Variants in TANGO6 observed in about 807,000 individuals in gnomAD.
TANGO6 encodes the protein transport and Golgi organization protein 6 homolog.
In TANGO6, 90 loss-of-function variants were observed where a neutral mutation model predicts 114.2. The ratio of observed to expected loss-of-function variants is 0.79; its 90% CI spans 0.66 to 0.94. TANGO6 has a LOEUF of 0.94. TANGO6 is among the 40% of genes least tolerant of loss of function. TANGO6 has a pLI of 0.00. For missense variants in TANGO6, 1,274 were observed against 1,315.3 expected, an observed-to-expected ratio of 0.97 and a Z score of 0.49; for synonymous variants, 477 against 509.8, an observed-to-expected ratio of 0.94 and a Z score of 0.87.
chr16:68,872,579 GACATGAGC>G (rs1962289988), intron 4 of TANGO6, among the ~76,000 whole-genome samples: 1 of 151,724 alleles, frequency 6.6e-6, no homozygotes, highest in South Asian at 2.1e-4. Flanking sequence ...TGGGATTACA[GACATGAGC>G]CACCGCCCAC....
At chr16:68,965,675 C>G (rs548821381) in intron 14 of TANGO6, among the ~76,000 whole-genome samples, 27 of 151,988 alleles carry the variant, frequency 1.8e-4, no homozygotes, top group Admixed American at 3.9e-4. Flanking sequence ...GTGGCATGCA[C>G]CTGTAATCCC....
At chr16:68,949,126 C>T (rs942383563) in intron 14 of TANGO6, among the ~76,000 whole-genome samples, 4 of 152,038 alleles carry the variant, frequency 2.6e-5, no homozygotes, top group African/African-American at 7.2e-5. Flanking sequence ...GGGCAGGTTG[C>T]GGTAAGCCGA....
chr16:68,883,171 T>A (rs1333439490), intron 7 of TANGO6, among the ~76,000 whole-genome samples: 1 of 152,132 alleles, frequency 6.6e-6, no homozygotes, highest in Non-Finnish European at 1.5e-5. Context: ...CATTCCAGCC[T>A]GGGCAACAGA....
chr16:68,960,690 G>A (rs1229944469), intron 14 of TANGO6, among the ~76,000 whole-genome samples: 15 of 151,906 alleles, frequency 9.9e-5, no homozygotes, highest in Admixed American at 7.9e-4. Flanking sequence ...TAGTAGAAAC[G>A]GGGTTTCACC....
rs1597035462 is a variant in TANGO6, at chr16:68,955,464, C to T, written c.2702-18564C>T. ...TAGAGCAACGCTGCTCTGCTCCTCA[C>T]TGTGACTGCATTGGCACAGTGGTGT... On this transcript the variant is annotated intron_variant, in intron 14 of 17. Transcript: ENST00000261778. 2.0e-5 allele frequency among the ~76,000 whole-genome samples: 3 copies of T among 152,352 alleles called. No individual in the cohort carries two copies. In the Middle Eastern group the frequency reaches 0.01, roughly 518 times the overall value.
intron 5 of TANGO6, among the ~76,000 whole-genome samples, chr16:68,876,304 G>A (rs1260469118): frequency 1.3e-5 from 2 of 151,984 alleles, no homozygotes; most frequent in Non-Finnish European, 2.9e-5. Context: ...TGGGATTACA[G>A]GCATGCGCCA....
intron 9 of TANGO6, among the ~76,000 whole-genome samples, chr16:68,907,099 ATTTTTTT>A (rs546359676): frequency 7.9e-5 from 9 of 114,608 alleles, no homozygotes; most frequent in Admixed American, 3.8e-4. Context: ...CCAGACCTTG[ATTTTTTT>A]TTTTTTTTTT....
At position 68,928,072 on chromosome 16, in the gene TANGO6, A is replaced by G; in HGVS notation, c.2632A>G (p.Lys878Glu). The G allele has an allele frequency of 6.3e-7, 1 of 1,579,576 alleles. No homozygotes were observed. Reference protein sequence around the residue: ...REAKALEMQEKLLKIFLENLE... With the variant: ...REAKALEMQEELLKIFLENLE... ...AGCAAAAGCCCTTGAGATGCAAGAG[A>G]AGCTTCTCAAGGTGAGTAGAACACA... The change falls in exon 13 of 18, where the codon AAG becomes GAG. Residue 878 changes from lysine to glutamate, a missense_variant. Transcript: ENST00000261778.
At chr16:69,056,576 CAA>C (rs535868428) in intron 17 of TANGO6, among the ~76,000 whole-genome samples, 3 of 128,944 alleles carry the variant, frequency 2.3e-5, no homozygotes, top group Non-Finnish European at 3.3e-5. Context: ...AGTCCTGCAG[CAA>C]AAAAAAAAAA....
chr16:68,992,385 A>G (rs1183141361), intron 15 of TANGO6, among the ~76,000 whole-genome samples: 1 of 152,196 alleles, frequency 6.6e-6, no homozygotes, highest in Non-Finnish European at 1.5e-5. Context: ...CCTTATCTGT[A>G]AAGTGGGGAT....
intron 17 of TANGO6, among the ~76,000 whole-genome samples, chr16:69,041,474 T>TCA (rs1351667741): frequency 9.9e-5 from 15 of 151,866 alleles, no homozygotes; most frequent in African/African-American, 3.1e-4. Flanking sequence ...GATTGTTTTA[T>TCA]CACACACACA....
intron 4 of TANGO6, among the ~76,000 whole-genome samples, chr16:68,873,135 C>T (rs1962304689): frequency 6.6e-6 from 1 of 151,812 alleles, no homozygotes; most frequent in South Asian, 2.1e-4. Context: ...CAAAGAAGCC[C>T]TCATACTCAC....
chr16:68,907,324 G>A, intron 9 of TANGO6, 119 bp from the exon 10 acceptor site: 1 of 1,090,586 alleles, frequency 9.2e-7, no homozygotes, highest in Non-Finnish European at 1.2e-6. Context: ...AAATTTGGGG[G>A]ATCTTTTTAA....
chr16:68,847,893 G>T (rs1207230643), intron 1 of TANGO6, among the ~76,000 whole-genome samples: 2 of 151,686 alleles, frequency 1.3e-5, no homozygotes, highest in African/African-American at 4.8e-5. Context: ...CCAGCTACTC[G>T]GGAGGCTGAG....
intron 15 of TANGO6, among the ~76,000 whole-genome samples, chr16:68,976,016 C>T (rs1442399355): frequency 2.0e-5 from 3 of 152,126 alleles, no homozygotes; most frequent in Non-Finnish European, 4.4e-5. Context: ...CTCACTGCAG[C>T]CTTGACCTCT....
intron 17 of TANGO6, among the ~76,000 whole-genome samples, chr16:69,045,165 A>G (rs1366087314): frequency 6.7e-6 from 1 of 150,180 alleles, no homozygotes; most frequent in African/African-American, 2.4e-5. Flanking sequence ...TCAAAAAAAA[A>G]AAAAAAAAGC....
intron 1 of TANGO6, among the ~76,000 whole-genome samples, chr16:68,845,467 G>T (rs575234436): frequency 6.6e-6 from 1 of 152,062 alleles, no homozygotes; most frequent in Non-Finnish European, 1.5e-5. Flanking sequence ...GAATTAGTTC[G>T]TGAAATTATA....
intron 14 of TANGO6, among the ~76,000 whole-genome samples, chr16:68,970,937 C>T (rs1963698054): frequency 6.6e-6 from 1 of 151,982 alleles, no homozygotes; most frequent in Non-Finnish European, 1.5e-5. Flanking sequence ...GAGGGCGGAT[C>T]ACCTCAGGAG....
chr16:69,044,742 G>A (rs1194218726), intron 17 of TANGO6, among the ~76,000 whole-genome samples: 3 of 152,258 alleles, frequency 2.0e-5, no homozygotes, highest in Middle Eastern at 6.8e-3. Flanking sequence ...ACAAAGCAGG[G>A]TGTGTTGGCA....
Sources: gnomAD v4.1 joint callset for allele counts (sites outside exome capture counted in the v4.1 genomes callset) on GRCh38, gnomAD v4.1.1 for gene constraint, MANE v1.5 for transcripts, NCBI Gene and HGNC (gene_info 2026-07-23, HGNC 2026-07-21) for gene names.